The following SYNDIG1 variants were observed in gnomAD, a reference collection of about 807,000 sequenced individuals.
SYNDIG1 encodes synapse differentiation-inducing gene protein 1.
Under a neutral mutation model 19.4 loss-of-function variants are expected in SYNDIG1, and 9 were observed. The observed-to-expected ratio is 0.46, with a 90% confidence interval of 0.28 to 0.81. SYNDIG1 has a LOEUF of 0.81. Among genes scored for constraint, SYNDIG1 ranks in the 30% least tolerant of loss-of-function variants. SYNDIG1 has a pLI of 0.12. For missense variants in SYNDIG1, 311 were observed against 343.3 expected (o/e 0.91, Z 0.74); for synonymous variants, 141 against 145.9 (o/e 0.97, Z 0.24).
chr20:24,626,297 G>A (rs1175324423), intron 3 of SYNDIG1, among the ~76,000 whole-genome samples: 2 of 152,010 alleles, frequency 1.3e-5, no homozygotes, highest in South Asian at 2.1e-4. Flanking sequence ...CAGCCGGGCG[G>A]AGGGGCTCCT....
At chr20:24,521,285 C>T (rs1418475455) in intron 1 of SYNDIG1, among the ~76,000 whole-genome samples, 2 of 152,108 alleles carry the variant, frequency 1.3e-5, no homozygotes, top group African/African-American at 4.8e-5. Context: ...CTTCAGTGTC[C>T]CCAAATCTGT....
At chr20:24,485,957 G>T (rs1004959652) in intron 1 of SYNDIG1, among the ~76,000 whole-genome samples, 8 of 152,308 alleles carry the variant, frequency 5.3e-5, no homozygotes, top group Non-Finnish European at 1.0e-4. Flanking sequence ...GCTTTGTCTC[G>T]TGGCCACCCT....
chr20:24,530,831 C>T (rs572853110), intron 1 of SYNDIG1, among the ~76,000 whole-genome samples: 11 of 146,124 alleles, frequency 7.5e-5, no homozygotes, highest in South Asian at 2.1e-4. Flanking sequence ...TTTTCGGAGA[C>T]GGAGTCTTGT....
At chr20:24,644,973 C>G (rs1369771177) in intron 3 of SYNDIG1, among the ~76,000 whole-genome samples, 1 of 152,186 alleles carries the variant, frequency 6.6e-6, no homozygotes, top group Non-Finnish European at 1.5e-5. Flanking sequence ...GAAATTGAAG[C>G]ACAGAGAAGG....
In SYNDIG1 at chr20:24,568,646, A is replaced by G. The variant is rs949203652; in HGVS notation, c.481-16210A>G. Among the ~76,000 whole-genome samples, 7 of 152,202 alleles carry G rather than the reference A, an allele frequency of 4.6e-5. 1 individual carries two copies. Among genetic ancestry groups the G allele is most frequent in the African/African-American group, 1.7e-4 (7 of 41,462 alleles). On this transcript the variant is annotated intron_variant, in intron 2 of 3. Transcript: ENST00000376862. ...CACATTGTCCTGATCACCTCCGTGG[A>G]TCTGTAAGCAGCAGACAGGATTTCC...
chr20:24,481,432 A>G (rs2055793993), intron 1 of SYNDIG1, among the ~76,000 whole-genome samples: 1 of 152,176 alleles, frequency 6.6e-6, no homozygotes, highest in South Asian at 2.1e-4. Context: ...TCCTCCCAGC[A>G]TGGTGTCAAG....
chr20:24,618,046 C>CCGGGAG (rs2058971647), intron 3 of SYNDIG1, among the ~76,000 whole-genome samples: 1 of 101,654 alleles, frequency 9.8e-6, no homozygotes, highest in Non-Finnish European at 1.9e-5. Flanking sequence ...GGGGAGAGCC[C>CCGGGAG]GGGAAGCAGG....
chr20:24,572,217 G>A (rs1227321484), intron 2 of SYNDIG1, among the ~76,000 whole-genome samples: 1 of 152,198 alleles, frequency 6.6e-6, no homozygotes, highest in East Asian at 1.9e-4. Context: ...GCAGGACCTA[G>A]ACCTAACCCC....
intron 3 of SYNDIG1, among the ~76,000 whole-genome samples, chr20:24,602,194 T>A (rs2058689397): frequency 6.6e-6 from 1 of 152,242 alleles, no homozygotes; most frequent in South Asian, 2.1e-4. Context: ...TTGTTGTTTT[T>A]CCTTGTTCTC....
At chr20:24,499,162 T>A (rs1302041206) in intron 1 of SYNDIG1, among the ~76,000 whole-genome samples, 1 of 152,150 alleles carries the variant, frequency 6.6e-6, no homozygotes, top group African/African-American at 2.4e-5. Context: ...GTAGCTAGGA[T>A]TACAGGTGTG....
At chr20:24,598,372 G>T (rs144199226) in intron 3 of SYNDIG1, among the ~76,000 whole-genome samples, 222 of 152,364 alleles carry the variant, frequency 1.5e-3, no homozygotes, top group African/African-American at 5.1e-3. Context: ...ATCAGGGTCT[G>T]TGCTGTTTTA....
intron 1 of SYNDIG1, among the ~76,000 whole-genome samples, chr20:24,521,712 A>G (rs1291584245): frequency 6.6e-6 from 1 of 152,204 alleles, no homozygotes; most frequent in East Asian, 1.9e-4. Flanking sequence ...AGCCTGGCCA[A>G]CAGGACAAAA....
intron 3 of SYNDIG1, among the ~76,000 whole-genome samples, chr20:24,638,395 C>T (rs1472233596): frequency 6.6e-6 from 1 of 152,146 alleles, no homozygotes; most frequent in African/African-American, 2.4e-5. Flanking sequence ...CACTCTGTCA[C>T]CCAGGCTAGA....
chr20:24,581,609 A>G (rs2058324199), intron 2 of SYNDIG1, among the ~76,000 whole-genome samples: 1 of 152,054 alleles, frequency 6.6e-6, no homozygotes, highest in African/African-American at 2.4e-5. Context: ...GTTTTCAGTG[A>G]GGGATGGAGA....
chr20:24,636,420 T>C (rs951380314), intron 3 of SYNDIG1, among the ~76,000 whole-genome samples: 1 of 152,226 alleles, frequency 6.6e-6, no homozygotes, highest in Non-Finnish European at 1.5e-5. Context: ...GTGGGTCTTC[T>C]AGTCCATGGC....
chr20:24,519,160 G>C (rs577275527), intron 1 of SYNDIG1, among the ~76,000 whole-genome samples: 4 of 152,312 alleles, frequency 2.6e-5, no homozygotes, highest in South Asian at 4.1e-4. Context: ...AGACTGAGCT[G>C]TTGCTCTGTT....
At position 24,470,274 on chromosome 20, in the gene SYNDIG1, T is replaced by A. The variant is rs549816546; in HGVS notation, c.-79+521T>A. 2.0e-5 allele frequency among the ~76,000 whole-genome samples: 3 copies of A among 152,266 alleles called. No homozygotes were observed. In the East Asian group the frequency reaches 5.8e-4, roughly 30 times the overall value. ...ACGGAGCTGGGGACCTAGGTCTGTT[T>A]GGGAGTAGGAAGGGAAACAGACTAA... On this transcript the variant is annotated intron_variant, in intron 1 of 3. Transcript: ENST00000376862.
intron 2 of SYNDIG1, among the ~76,000 whole-genome samples, chr20:24,578,606 A>G (rs973035885): frequency 6.6e-6 from 1 of 152,166 alleles, no homozygotes; most frequent in Non-Finnish European, 1.5e-5. Context: ...GAAGGCTCTG[A>G]TGAGAAGTGG....
chr20:24,595,825 G>A (rs1004227875), intron 3 of SYNDIG1, among the ~76,000 whole-genome samples: 7 of 152,070 alleles, frequency 4.6e-5, no homozygotes, highest in African/African-American at 1.4e-4. Flanking sequence ...TTATGATTGT[G>A]TTTATTTGGA....
Sources: allele counts gnomAD v4.1 joint callset (sites outside exome capture counted in the v4.1 genomes callset), GRCh38; gene constraint gnomAD v4.1.1; transcripts MANE v1.5; gene names NCBI Gene and HGNC (gene_info 2026-07-23, HGNC 2026-07-21).